Variants in ACACA observed in about 807,000 individuals in gnomAD.
ACACA encodes the protein acetyl-CoA carboxylase alpha.
A neutral mutation model predicts 296.1 loss-of-function variants in ACACA; 103 were observed. The ratio of observed to expected loss-of-function variants is 0.35; its 90% CI spans 0.30 to 0.41. ACACA has a LOEUF of 0.41. Among genes scored for constraint, ACACA ranks in the 10% least tolerant of loss-of-function variants. The pLI is 1.00. For missense variants in ACACA, 1,554 were observed against 2,989.7 expected, an observed-to-expected ratio of 0.52 and a Z score of 11.20; for synonymous variants, 953 against 1,038.6, an observed-to-expected ratio of 0.92 and a Z score of 1.58.
chr17:37,125,829 G>T, intron 47 of ACACA, 35 bp from the exon 48 acceptor site: 1 of 1,543,640 alleles, frequency 6.5e-7, no homozygotes, highest in Non-Finnish European at 8.9e-7. Context: ...AGAGAATAAG[G>T]ACAGTGAATC....
chr17:37,154,593 T>G (rs939077870), intron 43 of ACACA, among the ~76,000 whole-genome samples: 3 of 151,908 alleles, frequency 2.0e-5, no homozygotes, highest in African/African-American at 7.3e-5. Flanking sequence ...ACCTCCTGGG[T>G]TCAAGCGATT....
Position 37,277,847 on chromosome 17 carries a change from C to G in ACACA, c.720+49G>C, listed in dbSNP as rs143453987. 6.7e-4 allele frequency: 969 copies of G among 1,435,942 alleles called. 5 individuals carry two copies. The African/African-American group carries it at 0.012, about 18-fold the overall frequency. 89.0% of individuals were successfully genotyped at this position (1,435,942 alleles called of 1,614,324 possible). ...TCTCTAGATATCCCCTTGTGCCTAACTATAAAATGGCTGAATTTGGTTTTA... is the reference window on the plus strand; with the variant it reads ...TCTCTAGATATCCCCTTGTGCCTAAGTATAAAATGGCTGAATTTGGTTTTA... On this transcript the variant is annotated intron_variant, in intron 6 of 55. Coordinates refer to ENST00000616317, the MANE Select transcript of ACACA (RefSeq NM_198834.3).
intron 3 of ACACA, chr17:37,299,248 A>C (rs1318062260): frequency 6.2e-7 from 1 of 1,603,234 alleles, no homozygotes; most frequent in Admixed American, 1.7e-5. Context: ...AAAGATATAT[A>C]TATTACCCAA....
rs539947732 is a variant in ACACA at position 37,157,106 on chromosome 17, C to T, written c.5350-1326G>A. Reference sequence around the variant, plus strand: ...AAATGTATAATGTAAATGGGAATAACGTTTAAGGAAAACAAAATGAAAGAG... The same window carrying T: ...AAATGTATAATGTAAATGGGAATAATGTTTAAGGAAAACAAAATGAAAGAG... On this transcript the variant is annotated intron_variant, in intron 42 of 55. Transcript: ENST00000616317. Among the ~76,000 whole-genome samples the T allele has an allele frequency of 1.6e-4, 25 of 152,250 alleles. 1 individual carries two copies. The South Asian group carries it at 2.1e-3, about 13-fold the overall frequency.
intron 52 of ACACA, among the ~76,000 whole-genome samples, chr17:37,107,292 C>T (rs1263086721): frequency 6.6e-6 from 1 of 152,204 alleles, no homozygotes; most frequent in East Asian, 1.9e-4. Context: ...TTCAGCCTCT[C>T]GAAGATGGAC....
rs184345247 is a variant in ACACA, at chr17:37,279,492, G to A, written c.611-1487C>T. On this transcript the variant is annotated intron_variant, in intron 5 of 55. Transcript: ENST00000616317. ...TACTAAAAATACAAAAAATTAGCCG[G>A]GGATGGTGGCACAAGCCTGTAGTCC... is the stretch of plus-strand genomic sequence containing the variant. Among the ~76,000 whole-genome samples the A allele has an allele frequency of 3.3e-5, 5 of 152,142 alleles. No individual in the cohort carries two copies. The East Asian group carries it at 7.7e-4, about 24-fold the overall frequency.
chr17:37,238,019 C>T (rs930532125), intron 24 of ACACA, among the ~76,000 whole-genome samples: 8 of 152,152 alleles, frequency 5.3e-5, no homozygotes, highest in Non-Finnish European at 7.4e-5. Context: ...CCTTGGCCTC[C>T]GAAAGTGCTA....
chr17:37,092,141 G>A (rs933311299), intron 54 of ACACA, among the ~76,000 whole-genome samples: 2 of 151,746 alleles, frequency 1.3e-5, no homozygotes, highest in Non-Finnish European at 2.9e-5. Flanking sequence ...TCAGCCAGGT[G>A]GGGTAGTGTA....
chr17:37,364,677 C>T (rs1274291883), intron 1 of ACACA, among the ~76,000 whole-genome samples: 1 of 151,676 alleles, frequency 6.6e-6, no homozygotes, highest in Non-Finnish European at 1.5e-5. Context: ...AATCCAAATT[C>T]GTAGATAACA....
chr17:37,168,952 G>A (rs184516073), intron 41 of ACACA, among the ~76,000 whole-genome samples: 90 of 152,322 alleles, frequency 5.9e-4, no homozygotes, highest in African/African-American at 2.1e-3. Flanking sequence ...TGTACCACAT[G>A]TATTACAAAC....
At chr17:37,382,121 T>G (rs1195061057) in intron 1 of ACACA, among the ~76,000 whole-genome samples, 2 of 152,206 alleles carry the variant, frequency 1.3e-5, no homozygotes, top group African/African-American at 4.8e-5. Context: ...TACCTGCAAT[T>G]TATCAATAAG....
intron 32 of ACACA, 30 bp from the exon 33 acceptor site, chr17:37,205,902 T>A (rs1567812014): frequency 6.5e-7 from 1 of 1,536,506 alleles, no homozygotes; most frequent in Non-Finnish European, 9.0e-7. Flanking sequence ...GTCAAAGAAA[T>A]TATGAGGCTG....
At chr17:37,187,192 T>C (rs1030966568) in intron 39 of ACACA, among the ~76,000 whole-genome samples, 5 of 152,228 alleles carry the variant, frequency 3.3e-5, no homozygotes, top group African/African-American at 1.2e-4. Flanking sequence ...ATAGGATAGA[T>C]TTCTCTAGCC....
chr17:37,182,634 A>G (rs536417387), intron 39 of ACACA, among the ~76,000 whole-genome samples: 28 of 152,342 alleles, frequency 1.8e-4, no homozygotes, highest in African/African-American at 6.5e-4. Flanking sequence ...GCATGGATAC[A>G]TAAAATATAA....
chr17:37,293,740 C>T (rs528307921), intron 3 of ACACA, among the ~76,000 whole-genome samples: 1 of 152,106 alleles, frequency 6.6e-6, no homozygotes, highest in East Asian at 1.9e-4. Flanking sequence ...TGGGGTTTCG[C>T]CACTGGCCAG....
intron 1 of ACACA, among the ~76,000 whole-genome samples, chr17:37,380,568 CTTCT>C (rs780153115): frequency 6.6e-6 from 1 of 151,948 alleles, no homozygotes; most frequent in Non-Finnish European, 1.5e-5. Context: ...TCTGATGGAT[CTTCT>C]TTCAACAGTT....
rs1179671031 is a variant in ACACA, at chr17:37,389,330, G to C, written c.38+16932C>G. ...GAAGGGAGGCCAGCCACCTGGGACA[G>C]CTGAATCCAAGCCTGACTCTCAGCC... is the stretch of plus-strand genomic sequence containing the variant. On this transcript the variant is annotated intron_variant, in intron 1 of 55. Transcript: ENST00000616317. 24 of 1,593,288 alleles carry C rather than the reference G, an allele frequency of 1.5e-5. No individual in the cohort carries two copies. In the Admixed American group the frequency reaches 4.2e-4, roughly 28 times the overall value.
At position 37,258,265 on chromosome 17, in the gene ACACA, A is replaced by T; in HGVS notation, c.1609T>A (p.Cys537Ser). Reference protein sequence around the residue: ...IDFEDSAHVPCPRGHVIAARI... With the variant: ...IDFEDSAHVPSPRGHVIAARI... ...GCAGCAATAACATGGCCCCTTGGACAAGGAACGTGTGCAGAATCTTCAAAA... is the reference window on the plus strand; with the variant it reads ...GCAGCAATAACATGGCCCCTTGGACTAGGAACGTGTGCAGAATCTTCAAAA... The change falls in exon 13 of 56, where the codon TGT (cysteine) becomes AGT (serine). Residue 537 changes from cysteine (C) to serine (S), a missense_variant. Coordinates refer to ENST00000616317, the MANE Select transcript of ACACA (RefSeq NM_198834.3). 1.2e-6 allele frequency: 2 copies of T among 1,614,142 alleles called. No individual in the cohort carries two copies. The highest frequency in any genetic ancestry group is 1.7e-6 in the Non-Finnish European group (2 of 1,180,006).
intron 19 of ACACA, among the ~76,000 whole-genome samples, chr17:37,245,465 A>C (rs1170104273): frequency 6.6e-6 from 1 of 152,174 alleles, no homozygotes; most frequent in Non-Finnish European, 1.5e-5. Flanking sequence ...ATTTTGGCAT[A>C]ATTTGTGATT....
Sources: allele counts gnomAD v4.1 joint callset (sites outside exome capture counted in the v4.1 genomes callset), GRCh38; gene constraint gnomAD v4.1.1; transcripts MANE v1.5; gene names NCBI Gene and HGNC (gene_info 2026-07-23, HGNC 2026-07-21).